Variants in PTMS observed in about 807,000 individuals in gnomAD.
PTMS encodes parathymosin.
PTMS carries 5 observed loss-of-function variants against 18.4 expected under a neutral mutation model. That is an observed-to-expected ratio of 0.27 (90% CI 0.14 to 0.57). The LOEUF is 0.57. Among genes scored for constraint, PTMS ranks in the 20% least tolerant of loss-of-function variants. The probability of loss-of-function intolerance (pLI) is 0.92; values close to 1 mark genes in which losing one functional copy is unlikely to be tolerated. For missense variants in PTMS, 93 were observed against 124.6 expected (o/e 0.75, Z 1.21); for synonymous variants, 53 against 47.7 (o/e 1.11, Z -0.46).
intron 1 of PTMS, chr12:6,767,557 T>G: frequency 8.2e-6 from 1 of 122,112 alleles, no homozygotes. Flanking sequence ...CGGCCGGGGT[T>G]TGGGGGCTGG....
At position 6,766,631 on chromosome 12, in the gene PTMS, TC is replaced by T; in HGVS notation, c.-73del. The T allele has an allele frequency of 2.2e-6, 2 of 916,108 alleles. No individual in the cohort carries two copies. Among genetic ancestry groups the T allele is most frequent in the Non-Finnish European group, 2.7e-6 (2 of 746,996 alleles). The allele number at this position is 916,108 out of a possible 1,614,324, so 56.7% of individuals were successfully genotyped here. Reference sequence around the variant, plus strand: ...CGCCAGGTTCCGGCCGCGGCCACCCTCCGCCGTCCAGGGCCCCTCCGTCTCG... The same window carrying T: ...CGCCAGGTTCCGGCCGCGGCCACCCTCGCCGTCCAGGGCCCCTCCGTCTCG... On this transcript the variant is annotated 5_prime_UTR_variant, in exon 1 of 5. Coordinates refer to ENST00000309083, the MANE Select transcript of PTMS (RefSeq NM_002824.6).
chr12:6,770,610 G>A lies in PTMS; in HGVS notation c.*168G>A. On this transcript the variant is annotated 3_prime_UTR_variant, in exon 5 of 5. Coordinates refer to ENST00000309083, the MANE Select transcript of PTMS (RefSeq NM_002824.6). The surrounding 1 kb of genome is among the most constrained non-coding windows in gnomAD (Gnocchi z 7.3). ...TCTCATTTCCGCCTCTCCAGACACT[G>A]CGCCCTCCACCCTCACTCTGCCATT... is the stretch of plus-strand genomic sequence containing the variant. 1 of 754,626 alleles carries A rather than the reference G, an allele frequency of 1.3e-6. No homozygotes were observed. Among genetic ancestry groups the A allele is most frequent in the Non-Finnish European group, 2.2e-6 (1 of 456,540 alleles). The allele number at this position is 754,626 out of a possible 1,614,324, so 46.7% of individuals were successfully genotyped here.
In PTMS at chr12:6,766,755, G is replaced by A. The variant is rs949370545; in HGVS notation, c.45+5G>A. ...GCGGCCGAGTTGAGCGCCAAGGTAC[G>A]GGCGGGGGCGGCGGCGGCCCGGACC... On this transcript the variant is annotated splice_donor_5th_base_variant and intron_variant, in intron 1 of 4. Transcript: ENST00000309083. The A allele has an allele frequency of 2.0e-5, 22 of 1,074,478 alleles. No homozygotes were observed. Among genetic ancestry groups the A allele is most frequent in the Non-Finnish European group, 2.5e-5 (22 of 888,882 alleles). 66.6% of individuals were successfully genotyped at this position (1,074,478 alleles called of 1,614,324 possible).
chr12:6,769,754 TC>T, intron 2 of PTMS, 80 bp downstream of exon 2: 1 of 1,603,278 alleles, frequency 6.2e-7, no homozygotes, highest in Middle Eastern at 1.7e-4. Flanking sequence ...CTGCTTTCCT[TC>T]CGAGGGTGCT....
intron 2 of PTMS, 39 bp from the exon 3 acceptor site, chr12:6,769,882 C>T: frequency 6.3e-7 from 1 of 1,581,646 alleles, no homozygotes; most frequent in Non-Finnish European, 8.6e-7. Flanking sequence ...GCAAGGCATG[C>T]AGCCAGCCTG....
rs1431654412 is a variant in PTMS at position 6,769,977 on chromosome 12, GGAA to G, written c.177_179del (p.Glu59del). On this transcript the variant is annotated inframe_deletion, in exon 3 of 5. Coordinates refer to ENST00000309083, the MANE Select transcript of PTMS (RefSeq NM_002824.6). Reference sequence around the variant, plus strand: ...AAGAAACTGCCGAGGATGGAGAGGAGGAAGATGAAGGGGAAGAAGAAGGTGGGG... The same window carrying G: ...AAGAAACTGCCGAGGATGGAGAGGAGGATGAAGGGGAAGAAGAAGGTGGGG... The G allele has an allele frequency of 1.3e-6, 2 of 1,554,516 alleles. No individual in the cohort carries two copies.
rs182171171 is a variant in PTMS at position 6,769,428 on chromosome 12, C to T, written c.46-175C>T. On this transcript the variant is annotated intron_variant, in intron 1 of 4. Coordinates refer to ENST00000309083, the MANE Select transcript of PTMS (RefSeq NM_002824.6). ...TGGGGAAGGAGGTGTTTGGTCTCAACCCCTTCATGGCCCTAATGTAAGGAC... is the reference window on the plus strand; with the variant it reads ...TGGGGAAGGAGGTGTTTGGTCTCAATCCCTTCATGGCCCTAATGTAAGGAC... 3.7e-4 allele frequency among the ~76,000 whole-genome samples: 57 copies of T among 152,238 alleles called. No individual in the cohort carries two copies. In the Middle Eastern group the frequency reaches 0.01, roughly 27 times the overall value.
chr12:6,768,223 C>A (rs547484681), intron 1 of PTMS, among the ~76,000 whole-genome samples: 1 of 152,360 alleles, frequency 6.6e-6, no homozygotes, highest in South Asian at 2.1e-4. Flanking sequence ...ATGGGAAAGT[C>A]AGGCCAGGGC....
In PTMS at chr12:6,770,742, G is replaced by A. The variant is rs1941828271; in HGVS notation, c.*300G>A. On this transcript the variant is annotated 3_prime_UTR_variant, in exon 5 of 5. Transcript: ENST00000309083. This position sits in a 1 kb window ranked among gnomAD's most constrained non-coding sequence, Gnocchi z 7.3. ...CCCCTACCAGCCTCATTCTTCCTCC[G>A]GTAGCCTCTCCCACCTAACCTCTGC... 4 of 490,572 alleles carry A rather than the reference G, an allele frequency of 8.2e-6. No individual in the cohort carries two copies. Among genetic ancestry groups the A allele is most frequent in the Non-Finnish European group, 1.1e-5 (3 of 267,458 alleles). 30.4% of individuals were successfully genotyped at this position (490,572 alleles called of 1,614,324 possible).
chr12:6,767,600 G>GGGGGC (rs1565479192), intron 1 of PTMS: 1 of 136,326 alleles, frequency 7.3e-6, no homozygotes, highest in Non-Finnish European at 1.6e-5. Context: ...GTGTATGGCG[G>GGGGGC]GGGGGGGGGG....
Position 6,770,399 on chromosome 12 carries a change from C to A in PTMS, c.266C>A (p.Ala89Glu), listed in dbSNP as rs1437162293. The change falls in exon 5 of 5, where the codon GCG (alanine) becomes GAG (glutamate). Residue 89 changes from alanine to glutamate, a missense_variant. By Grantham distance (107) the Ala-to-Glu change is moderately radical. Coordinates refer to ENST00000309083, the MANE Select transcript of PTMS (RefSeq NM_002824.6). This position sits in a 1 kb window ranked among gnomAD's most constrained non-coding sequence, Gnocchi z 7.3. ...TTCTCTCCCTCTCCACAGGATGAAG[C>A]GGATCCCAAACGGCAGAAGACAGAA... ...LKRAAEEEDE[A>E]DPKRQKTENG... 6.2e-7 allele frequency: 1 copy of A among 1,612,782 alleles called. No individual in the cohort carries two copies. The highest frequency in any genetic ancestry group is 8.5e-7 in the Non-Finnish European group (1 of 1,179,822).
rs1445043218 is a variant in PTMS at position 6,766,541 on chromosome 12, C to G, written c.-165C>G. Reference sequence around the variant, plus strand: ...GCCCCACCCCGCGCGCCTCTGCCGCCTCTTCCAGAGACCCAGCTTGCCGAG... The same window carrying G: ...GCCCCACCCCGCGCGCCTCTGCCGCGTCTTCCAGAGACCCAGCTTGCCGAG... On this transcript the variant is annotated 5_prime_UTR_variant, in exon 1 of 5. Coordinates refer to ENST00000309083, the MANE Select transcript of PTMS (RefSeq NM_002824.6). The G allele has an allele frequency of 1.4e-5, 4 of 288,534 alleles. No individual in the cohort carries two copies. Among genetic ancestry groups the G allele is most frequent in the South Asian group, 6.9e-5 (2 of 28,834 alleles). The allele number at this position is 288,534 out of a possible 1,614,324, so 17.9% of individuals were successfully genotyped here. A position where few individuals can be genotyped will look rare whatever the true frequency, so the allele number is the denominator to read the frequency against.
intron 1 of PTMS, chr12:6,769,168 G>T (rs1941806581): frequency 8.6e-6 from 2 of 232,964 alleles, no homozygotes; most frequent in South Asian, 9.8e-5. Flanking sequence ...CTCAGGAAAA[G>T]GCCCCAGAGG....
rs756894197 is a variant in PTMS, at chr12:6,770,262, G to A, written c.258+44G>A. 2.0e-5 allele frequency: 33 copies of A among 1,612,538 alleles called. No homozygotes were observed. The highest frequency in any genetic ancestry group is 2.8e-5 in the Non-Finnish European group (33 of 1,178,540). On this transcript the variant is annotated intron_variant, in intron 4 of 4. Coordinates refer to ENST00000309083, the MANE Select transcript of PTMS (RefSeq NM_002824.6). This position sits in a 1 kb window ranked among gnomAD's most constrained non-coding sequence, Gnocchi z 7.3. ...GGCCTGAGGGGCTGTCAGGGATGCA[G>A]CCGGGCTGGGCGCCCTTTGGATTTG...
At chr12:6,769,582 T>C in intron 1 of PTMS, 21 bp from the exon 2 acceptor site, 1 of 1,612,886 alleles carries the variant, frequency 6.2e-7, no homozygotes, top group Non-Finnish European at 8.5e-7. Flanking sequence ...GTGAGAAAGG[T>C]GACCTCTTTC....
At chr12:6,769,842 A>G (rs1941814532) in intron 2 of PTMS, 79 bp from the exon 3 acceptor site, 1 of 1,608,048 alleles carries the variant, frequency 6.2e-7, no homozygotes, top group Admixed American at 1.7e-5. Context: ...TTTATCACCC[A>G]GGCTCCAGTC....
At chr12:6,768,478 C>T (rs954435265) in intron 1 of PTMS, among the ~76,000 whole-genome samples, 1 of 152,214 alleles carries the variant, frequency 6.6e-6, no homozygotes, top group Admixed American at 6.5e-5. Context: ...CTGCACCAGG[C>T]TCCTCTCCTA....
intron 1 of PTMS, chr12:6,767,095 C>G (rs1941776186): frequency 6.5e-6 from 1 of 154,486 alleles, no homozygotes; most frequent in Non-Finnish European, 1.4e-5. Flanking sequence ...GCCGCGCCCC[C>G]TCCCTGCGCC....
rs1280194979 is a variant in PTMS, at chr12:6,770,378, C to T, written c.259-14C>T. 3 of 1,613,760 alleles carry T rather than the reference C, an allele frequency of 1.9e-6. No homozygotes were observed. The highest frequency in any genetic ancestry group is 1.1e-5 in the South Asian group (1 of 91,072). On this transcript the variant is annotated splice_polypyrimidine_tract_variant and intron_variant, in intron 4 of 4. Transcript: ENST00000309083. This position sits in a 1 kb window ranked among gnomAD's most constrained non-coding sequence, Gnocchi z 7.3. ...TCCCATTTTACAGCTCCCCCATTCT[C>T]TCCCTCTCCACAGGATGAAGCGGAT...
Sources: allele counts gnomAD v4.1 joint callset (sites outside exome capture counted in the v4.1 genomes callset), GRCh38; gene constraint gnomAD v4.1.1; non-coding constraint Gnocchi (gnomAD v3.1); transcripts MANE v1.5; gene names NCBI Gene and HGNC (gene_info 2026-07-23, HGNC 2026-07-21).